The following DLG2 variants were observed in gnomAD, a reference collection of about 807,000 sequenced individuals.
DLG2 encodes discs large MAGUK scaffold protein 2, also known as disks large homolog 2.
DLG2 carries 45 observed loss-of-function variants against 132.5 expected under a neutral mutation model. That is an observed-to-expected ratio of 0.34 (90% CI 0.27 to 0.44). The LOEUF (loss-of-function observed/expected upper bound fraction) is 0.44, where lower values mean the gene tolerates loss of function less well. DLG2 is among the 20% of genes least tolerant of loss of function. The pLI is 1.00. For missense variants in DLG2, 1,045 were observed against 1,196.9 expected, an observed-to-expected ratio of 0.87 and a Z score of 1.87; for synonymous variants, 424 against 419.6, an observed-to-expected ratio of 1.01 and a Z score of -0.13.
At chr11:83,623,855 T>A (rs1468677434) in intron 19 of DLG2, among the ~76,000 whole-genome samples, 2 of 152,214 alleles carry the variant, frequency 1.3e-5, no homozygotes, top group African/African-American at 4.8e-5. Context: ...AATTTTTTCA[T>A]GCCCTCCCCT....
At chr11:85,017,660 C>T (rs1271289249) in intron 6 of DLG2, among the ~76,000 whole-genome samples, 1 of 152,106 alleles carries the variant, frequency 6.6e-6, no homozygotes, top group Non-Finnish European at 1.5e-5. Context: ...TTTACTATTC[C>T]AGTATGAGAA....
chr11:83,789,318 C>A (rs1370791395), intron 17 of DLG2, among the ~76,000 whole-genome samples: 1 of 122,814 alleles, frequency 8.1e-6, no homozygotes, highest in African/African-American at 3.1e-5. Context: ...AAAGACATAG[C>A]AATTTCCATT....
At chr11:84,632,659 A>G (rs958279789) in intron 6 of DLG2, among the ~76,000 whole-genome samples, 1 of 152,178 alleles carries the variant, frequency 6.6e-6, no homozygotes, top group Non-Finnish European at 1.5e-5. Flanking sequence ...GATTCAAGCA[A>G]ATTTCAGACC....
At chr11:84,867,165 A>T (rs1179392414) in intron 6 of DLG2, among the ~76,000 whole-genome samples, 3 of 152,224 alleles carry the variant, frequency 2.0e-5, no homozygotes, top group Admixed American at 1.3e-4. Flanking sequence ...CCCTCAAGGG[A>T]GTCACAGTAG....
intron 7 of DLG2, among the ~76,000 whole-genome samples, chr11:84,276,172 A>G (rs2097781688): frequency 6.6e-6 from 1 of 152,224 alleles, no homozygotes; most frequent in East Asian, 1.9e-4. Context: ...TCATAAATTC[A>G]GTGAAAATCT....
chr11:85,566,416 T>C (rs946214851), intron 3 of DLG2, among the ~76,000 whole-genome samples: 1 of 152,058 alleles, frequency 6.6e-6, no homozygotes, highest in African/African-American at 2.4e-5. Context: ...GTCATGAAGA[T>C]TGTCTTAGTC....
At position 84,454,490 on chromosome 11, in the gene DLG2, A is replaced by G. The variant is rs2099060197; in HGVS notation, c.519+80080T>C. On this transcript the variant is annotated intron_variant, in intron 7 of 27. Coordinates refer to ENST00000376104, the MANE Select transcript of DLG2 (RefSeq NM_001142699.3). ...ATATGAGCCAGCAAGTCCACTCCAA[A>G]GCATTTAAGCAAGAGAAATAAAAGC... Among the ~76,000 whole-genome samples, 3 of 151,526 alleles carry G rather than the reference A, an allele frequency of 2.0e-5. No homozygotes were observed. In the South Asian group the frequency reaches 6.2e-4, roughly 31 times the overall value.
chr11:83,984,773 T>C (rs1425238515), intron 11 of DLG2, among the ~76,000 whole-genome samples: 2 of 152,190 alleles, frequency 1.3e-5, no homozygotes, highest in Admixed American at 6.6e-5. Context: ...CAATGTGTAA[T>C]GATCAAATCA....
At chr11:83,507,833 G>T (rs2094809641) in intron 21 of DLG2, among the ~76,000 whole-genome samples, 1 of 132,866 alleles carries the variant, frequency 7.5e-6, no homozygotes. Flanking sequence ...TAACTCACAA[G>T]ATCACAAGGT....
chr11:83,993,604 G>A (rs916377394), intron 11 of DLG2, among the ~76,000 whole-genome samples: 1 of 152,154 alleles, frequency 6.6e-6, no homozygotes. Flanking sequence ...ATGATAGAAT[G>A]TGATTAGATG....
chr11:85,066,329 C>T (rs918866302), intron 6 of DLG2, among the ~76,000 whole-genome samples: 1 of 151,430 alleles, frequency 6.6e-6, no homozygotes, highest in African/African-American at 2.4e-5. Context: ...CAAAAAAGAC[C>T]AGTGACAGAG....
At chr11:84,840,101 G>A (rs1004273292) in intron 6 of DLG2, among the ~76,000 whole-genome samples, 1 of 152,044 alleles carries the variant, frequency 6.6e-6, no homozygotes, top group Non-Finnish European at 1.5e-5. Context: ...CTGACAAAGG[G>A]CTAATATCCA....
chr11:83,692,874 T>G (rs998374068), intron 18 of DLG2: 1 of 152,164 alleles, frequency 6.6e-6, no homozygotes, highest in Admixed American at 6.6e-5. Flanking sequence ...GGGAACAAGC[T>G]TGGCCCATAA....
chr11:85,391,524 T>A (rs771065328), intron 3 of DLG2, among the ~76,000 whole-genome samples: 2 of 151,932 alleles, frequency 1.3e-5, no homozygotes, highest in Non-Finnish European at 2.9e-5. Flanking sequence ...TGAACATAAA[T>A]GCAAAAATCC....
intron 6 of DLG2, among the ~76,000 whole-genome samples, chr11:84,789,098 A>T (rs2073404739): frequency 6.6e-6 from 1 of 152,150 alleles, no homozygotes; most frequent in African/African-American, 2.4e-5. Context: ...TTGCAAATCA[A>T]TTTTCTATGC....
intron 12 of DLG2, among the ~76,000 whole-genome samples, chr11:83,968,038 T>A (rs2090582462): frequency 6.6e-6 from 1 of 152,200 alleles, no homozygotes; most frequent in African/African-American, 2.4e-5. Flanking sequence ...TGTTTGAATT[T>A]ATTTGGCTAC....
chr11:84,973,020 C>A (rs748321835), intron 6 of DLG2, among the ~76,000 whole-genome samples: 1 of 150,646 alleles, frequency 6.6e-6, no homozygotes, highest in East Asian at 2.0e-4. Context: ...GGCAGTGGCG[C>A]GATCTCAGCT....
intron 6 of DLG2, among the ~76,000 whole-genome samples, chr11:85,046,222 G>C (rs2062333312): frequency 2.0e-5 from 3 of 152,020 alleles, no homozygotes; most frequent in Non-Finnish European, 4.4e-5. Flanking sequence ...TCTGAGAGCT[G>C]TGTTATCTAC....
chr11:83,800,678 G>A (rs2044115845), intron 17 of DLG2, among the ~76,000 whole-genome samples: 1 of 151,906 alleles, frequency 6.6e-6, no homozygotes, highest in Non-Finnish European at 1.5e-5. Context: ...AAAAAAATTA[G>A]ACCTTTAAAA....
Sources: gnomAD v4.1 joint callset for allele counts (sites outside exome capture counted in the v4.1 genomes callset) on GRCh38, gnomAD v4.1.1 for gene constraint, MANE v1.5 for transcripts, NCBI Gene and HGNC (gene_info 2026-07-23, HGNC 2026-07-21) for gene names.